LRTM3: variants seen among roughly 807,000 people sequenced by gnomAD.
LRTM3 encodes leucine rich repeat transmembrane protein 3.
chr13:102,754,526 C>T, the LRTM3 span, among the ~76,000 whole-genome samples: 1 of 152,122 alleles, frequency 6.6e-6, no homozygotes, highest in Non-Finnish European at 1.5e-5. Flanking sequence ...TAACAACAAA[C>T]TGACCCAACT....
At chr13:102,730,542 C>G in the LRTM3 span, 1 of 1,551,704 alleles carries the variant, frequency 6.4e-7, no homozygotes, top group Non-Finnish European at 8.7e-7. Context: ...AATTCTGACT[C>G]TGAAAGAACT....
the LRTM3 span, chr13:102,734,846 G>A: frequency 0.016 from 24,049 of 1,550,972 alleles, 259 homozygotes; most frequent in Non-Finnish European, 0.018. Context: ...CTGATGTTTG[G>A]GGAATATTAA....
the LRTM3 span, chr13:102,736,657 T>A: frequency 3.9e-6 from 6 of 1,550,738 alleles, no homozygotes; most frequent in Non-Finnish European, 4.4e-6. Context: ...CACCTTCTTG[T>A]GCCTTTTCCC....
chr13:102,757,986 T>A, the LRTM3 span, among the ~76,000 whole-genome samples: 1 of 152,248 alleles, frequency 6.6e-6, no homozygotes, highest in Non-Finnish European at 1.5e-5. Flanking sequence ...AGCACGGAGA[T>A]AACTTTACAA....
At chr13:102,748,042 A>G in the LRTM3 span, 1 of 1,550,924 alleles carries the variant, frequency 6.4e-7, no homozygotes, top group East Asian at 2.4e-5. Context: ...TTTCCTTCTC[A>G]TCTGGTAATT....
the LRTM3 span, chr13:102,730,791 G>A: frequency 1.3e-6 from 2 of 1,551,508 alleles, no homozygotes; most frequent in Non-Finnish European, 1.7e-6. Flanking sequence ...TTTGGCTTAG[G>A]GAACGTACTT....
chr13:102,756,788 C>T, the LRTM3 span, among the ~76,000 whole-genome samples: 1 of 151,170 alleles, frequency 6.6e-6, no homozygotes, highest in East Asian at 1.9e-4. Context: ...GCTGCTGCCA[C>T]AGGAGCCATA....
At chr13:102,745,588 C>G in the LRTM3 span, 2 of 1,550,884 alleles carry the variant, frequency 1.3e-6, no homozygotes, top group African/African-American at 2.7e-5. Context: ...ATTTGGGATT[C>G]ACTAAAGTTT....
the LRTM3 span, chr13:102,737,592 G>T: frequency 2.6e-6 from 4 of 1,550,534 alleles, no homozygotes; most frequent in Non-Finnish European, 3.5e-6. Context: ...TTCAGTGGTA[G>T]GTTCTGTGAA....
chr13:102,744,412 G>T, the LRTM3 span: 2 of 1,549,430 alleles, frequency 1.3e-6, no homozygotes, highest in South Asian at 2.4e-5. Context: ...CATCCCAAGG[G>T]GTATCACGTG....
chr13:102,744,672 T>C, the LRTM3 span: 1 of 1,550,888 alleles, frequency 6.4e-7, no homozygotes, highest in East Asian at 2.4e-5. Flanking sequence ...ATTTGATGTG[T>C]ACTGAAACGG....
At chr13:102,752,143 A>G in the LRTM3 span, among the ~76,000 whole-genome samples, 1 of 152,182 alleles carries the variant, frequency 6.6e-6, no homozygotes, top group Non-Finnish European at 1.5e-5. Flanking sequence ...AAGGATGTGC[A>G]GTGGGGGTTT....
chr13:102,735,213 A>G, the LRTM3 span: 11 of 1,551,212 alleles, frequency 7.1e-6, no homozygotes, highest in African/African-American at 1.4e-5. Context: ...TTTGCCTTCA[A>G]ATACATTTTG....
At chr13:102,733,933 A>G in the LRTM3 span, 1,543,766 of 1,551,256 alleles carry the variant, frequency 1, 768,453 homozygotes, top group East Asian at 1. Context: ...TTGAGGGTAC[A>G]TGGAGAGTTC....
chr13:102,735,676 G>C, the LRTM3 span: 1 of 1,551,110 alleles, frequency 6.4e-7, no homozygotes, highest in Non-Finnish European at 8.7e-7. Context: ...CCTGTGCTGT[G>C]GGTTGCACTG....
chr13:102,741,360 C>T, the LRTM3 span: 77 of 1,549,226 alleles, frequency 5.0e-5, no homozygotes, highest in Non-Finnish European at 5.8e-5. Context: ...AGAATACTTT[C>T]GGGAACATGA....
chr13:102,748,586 G>C, the LRTM3 span: 3 of 1,550,710 alleles, frequency 1.9e-6, no homozygotes, highest in East Asian at 4.9e-5. Context: ...CATTTCAGGA[G>C]AGGAAACAAG....
At chr13:102,741,999 C>G in the LRTM3 span, 6 of 1,550,572 alleles carry the variant, frequency 3.9e-6, no homozygotes, top group Non-Finnish European at 5.2e-6. Context: ...TCAGTACAAC[C>G]TGACAATGAC....
At chr13:102,734,544 A>G in the LRTM3 span, 2 of 1,551,264 alleles carry the variant, frequency 1.3e-6, no homozygotes, top group Admixed American at 3.9e-5. Context: ...TTTGACTTCA[A>G]AGTTATATCT....
Sources: allele counts gnomAD v4.1 joint callset (sites outside exome capture counted in the v4.1 genomes callset), GRCh38; gene constraint gnomAD v4.1.1; transcripts MANE v1.5; gene names NCBI Gene and HGNC (gene_info 2026-07-23, HGNC 2026-07-21).